KIAA0825: variants seen among roughly 807,000 people sequenced by gnomAD.
KIAA0825 encodes the protein KIAA0825, also known as uncharacterized protein KIAA0825.
In KIAA0825, 119 loss-of-function variants were observed where a neutral mutation model predicts 147.6. The observed-to-expected ratio is 0.81, with a 90% CI of 0.69 to 0.94. The LOEUF (loss-of-function observed/expected upper bound fraction) is 0.94. KIAA0825 is among the 40% of genes least tolerant of loss of function. The pLI is 0.00. For missense variants in KIAA0825, 1,381 were observed against 1,472.7 expected (o/e 0.94, Z 1.02); for synonymous variants, 470 against 518.1 (o/e 0.91, Z 1.26).
At chr5:94,290,588 A>C (rs1357530630) in intron 20 of KIAA0825, among the ~76,000 whole-genome samples, 2 of 152,204 alleles carry the variant, frequency 1.3e-5, no homozygotes, top group African/African-American at 4.8e-5. Flanking sequence ...GTGCTGCAAT[A>C]AACATCCATG....
At position 94,471,497 on chromosome 5, in the gene KIAA0825, A is replaced by C; in HGVS notation, c.1690T>G (p.Tyr564Asp). ...GTCATTTCCTTCATCAAATTATCATATCGCTTGAAATGCTGGAAGACATAC... is the reference window on the plus strand; with the variant it reads ...GTCATTTCCTTCATCAAATTATCATCTCGCTTGAAATGCTGGAAGACATAC... ...AVYVFQHFKR[Y>D]DNLMKEMTKK... The change falls in exon 9 of 21, where the codon TAT (tyrosine) becomes GAT (aspartate). Residue 564 changes from tyrosine (Y) to aspartate (D), a missense_variant. By Grantham distance (160) the Tyr-to-Asp change is radical (BLOSUM62 -3). Transcript: ENST00000682413. 3 of 1,552,078 alleles carry C rather than the reference A, an allele frequency of 1.9e-6. No homozygotes were observed. Among genetic ancestry groups the C allele is most frequent in the Non-Finnish European group, 2.6e-6 (3 of 1,147,058 alleles).
chr5:94,386,494 A>G, intron 18 of KIAA0825, 90 bp from the exon 19 acceptor site: 1 of 1,082,282 alleles, frequency 9.2e-7, no homozygotes, highest in Non-Finnish European at 1.3e-6. Flanking sequence ...TTATCCTTTC[A>G]GCACATTTGC....
Position 94,397,159 on chromosome 5 carries a change from G to A in KIAA0825, c.2888-650C>T, listed in dbSNP as rs73142986. On this transcript the variant is annotated intron_variant, in intron 16 of 20. Transcript: ENST00000682413. ...CACCCTCTTCTAAACTATAAGCTCT[G>A]AGAAGGCATTCCCGTATCCCTAGCA... 2.4e-3 allele frequency among the ~76,000 whole-genome samples: 370 copies of A among 152,212 alleles called. 3 individuals are homozygous for A. The highest frequency in any genetic ancestry group is 8.1e-3 in the African/African-American group (337 of 41,528).
chr5:94,238,985 C>A (rs1208769618), intron 20 of KIAA0825, among the ~76,000 whole-genome samples: 2 of 152,114 alleles, frequency 1.3e-5, no homozygotes, highest in Non-Finnish European at 2.9e-5. Context: ...ATTTGCAGAA[C>A]TTTTGGTTTC....
At chr5:94,543,057 G>A (rs1372696777) in intron 2 of KIAA0825, among the ~76,000 whole-genome samples, 1 of 152,176 alleles carries the variant, frequency 6.6e-6, no homozygotes, top group African/African-American at 2.4e-5. Flanking sequence ...ATAGAGCCAG[G>A]AGTTCCAAGT....
At chr5:94,230,805 G>C (rs1774625048) in intron 20 of KIAA0825, among the ~76,000 whole-genome samples, 1 of 152,070 alleles carries the variant, frequency 6.6e-6, no homozygotes, top group African/African-American at 2.4e-5. Flanking sequence ...ACAGAGCTAG[G>C]TACTGTGCCA....
chr5:94,448,588 A>G (rs1212650703), intron 13 of KIAA0825, among the ~76,000 whole-genome samples: 1 of 152,178 alleles, frequency 6.6e-6, no homozygotes, highest in Non-Finnish European at 1.5e-5. Context: ...AAGTTCCTTC[A>G]TGATATTAAC....
At position 94,230,714 on chromosome 5, in the gene KIAA0825, G is replaced by A. The variant is rs149399363; in HGVS notation, c.3711-76590C>T. On this transcript the variant is annotated intron_variant, in intron 20 of 20. Coordinates refer to ENST00000682413, the MANE Select transcript of KIAA0825 (RefSeq NM_001145678.3). ...AACTTTAAAGATTATTTAAATAAAG[G>A]CAAAGGTATGTATGGGCTCCTTAGT... is the stretch of plus-strand genomic sequence containing the variant. Among the ~76,000 whole-genome samples the A allele has an allele frequency of 3.0e-3, 451 of 152,146 alleles. 2 individuals are homozygous for A. The highest frequency in any genetic ancestry group is 0.011 in the African/African-American group (444 of 41,520).
At chr5:94,288,148 A>G (rs1777735217) in intron 20 of KIAA0825, among the ~76,000 whole-genome samples, 1 of 152,136 alleles carries the variant, frequency 6.6e-6, no homozygotes, top group Non-Finnish European at 1.5e-5. Context: ...GGTAACTAAA[A>G]TGATGGAAAT....
At chr5:94,393,870 CAG>C (rs1252238325) in intron 17 of KIAA0825, among the ~76,000 whole-genome samples, 2 of 142,566 alleles carry the variant, frequency 1.4e-5, no homozygotes, top group Non-Finnish European at 3.0e-5. Context: ...TTTTTTGAGA[CAG>C]AGTTTCACTC....
At chr5:94,202,991 C>G (rs1368279052) in intron 20 of KIAA0825, among the ~76,000 whole-genome samples, 1 of 152,068 alleles carries the variant, frequency 6.6e-6, no homozygotes, top group Admixed American at 6.6e-5. Flanking sequence ...GAACTGTACC[C>G]CTATCTGTCC....
chr5:94,562,752 C>G (rs761310876), intron 2 of KIAA0825, among the ~76,000 whole-genome samples: 1 of 152,168 alleles, frequency 6.6e-6, no homozygotes, highest in Non-Finnish European at 1.5e-5. Context: ...ATTATCAGAC[C>G]AATGACTGTA....
At chr5:94,177,391 T>C (rs946618686) in intron 20 of KIAA0825, among the ~76,000 whole-genome samples, 2 of 152,134 alleles carry the variant, frequency 1.3e-5, no homozygotes, top group Non-Finnish European at 2.9e-5. Flanking sequence ...TATGGGTTCT[T>C]CTTTTTTTAA....
chr5:94,300,980 C>T (rs1401703519), intron 20 of KIAA0825, among the ~76,000 whole-genome samples: 3 of 152,044 alleles, frequency 2.0e-5, no homozygotes, highest in South Asian at 2.1e-4. Context: ...AGGTTTTACT[C>T]GATACAGAGG....
At chr5:94,264,699 C>T (rs1254087747) in intron 20 of KIAA0825, among the ~76,000 whole-genome samples, 2 of 152,090 alleles carry the variant, frequency 1.3e-5, no homozygotes, top group South Asian at 4.1e-4. Context: ...TAACTCTCTG[C>T]ATTTTCTGTA....
At chr5:94,309,429 A>G (rs1778963993) in intron 20 of KIAA0825, among the ~76,000 whole-genome samples, 2 of 151,654 alleles carry the variant, frequency 1.3e-5, no homozygotes, top group Non-Finnish European at 3.0e-5. Flanking sequence ...ACTTGCTGCA[A>G]CTGGGTATAC....
rs184179495 is a variant in KIAA0825, at chr5:94,617,983, C to T, written c.-153+517G>A. 6 of 152,374 alleles carry T rather than the reference C, an allele frequency of 3.9e-5. No individual in the cohort carries two copies. The East Asian group carries it at 9.6e-4, about 24-fold the overall frequency. The allele number at this position is 152,374 out of a possible 1,614,324, so 9.4% of individuals were successfully genotyped here. The stretch of plus-strand genomic sequence containing the variant: ...CTCAGCCATGAAAACAAAGACCGTT[C>T]TTCTCATCCAATTCAAATGGCGGGA... On this transcript the variant is annotated intron_variant, in intron 1 of 20. Coordinates refer to ENST00000682413, the MANE Select transcript of KIAA0825 (RefSeq NM_001145678.3).
chr5:94,446,310 G>C (rs1245233375), intron 13 of KIAA0825, among the ~76,000 whole-genome samples: 1 of 152,018 alleles, frequency 6.6e-6, no homozygotes. Context: ...AGAATTTAGT[G>C]GAGGACACAT....
Position 94,221,123 on chromosome 5 carries a change from A to G in KIAA0825, c.3711-66999T>C, listed in dbSNP as rs570064192. ...TTAAGTGTTGCATTTCAGTTTCATC[A>G]AAAGAAGATGCTAGTCCTCCACAGA... On this transcript the variant is annotated intron_variant, in intron 20 of 20. Coordinates refer to ENST00000682413, the MANE Select transcript of KIAA0825 (RefSeq NM_001145678.3). 1.4e-4 allele frequency among the ~76,000 whole-genome samples: 22 copies of G among 152,240 alleles called. No homozygotes were observed. The East Asian group carries it at 3.1e-3, about 21-fold the overall frequency.
Sources: gnomAD v4.1 joint callset for allele counts (sites outside exome capture counted in the v4.1 genomes callset) on GRCh38, gnomAD v4.1.1 for gene constraint, MANE v1.5 for transcripts, NCBI Gene and HGNC (gene_info 2026-07-23, HGNC 2026-07-21) for gene names.